Variants in EPS15 observed in about 807,000 individuals in gnomAD.
EPS15 encodes the protein epidermal growth factor receptor pathway substrate 15.
A neutral mutation model predicts 113.8 loss-of-function variants in EPS15; 72 were observed. The ratio of observed to expected loss-of-function variants is 0.63; its 90% CI spans 0.52 to 0.77. The LOEUF is 0.77. Ranked by LOEUF, EPS15 falls within the 30% of genes least tolerant of loss-of-function variation. EPS15 has a pLI of 0.00. For missense variants in EPS15, 1,048 were observed against 1,045.8 expected (o/e 1.00, Z -0.03); for synonymous variants, 344 against 363.4 (o/e 0.95, Z 0.61).
chr1:51,494,176 A>T (rs1644289721), intron 1 of EPS15, among the ~76,000 whole-genome samples: 3 of 152,184 alleles, frequency 2.0e-5, no homozygotes, highest in African/African-American at 7.2e-5. Flanking sequence ...ATTATGTCCC[A>T]GTCACCCTCC....
intron 1 of EPS15, among the ~76,000 whole-genome samples, chr1:51,511,442 C>T (rs1268899101): frequency 6.6e-6 from 1 of 152,060 alleles, no homozygotes; most frequent in Non-Finnish European, 1.5e-5. Context: ...TTGCAGTGAG[C>T]CAAGATCACA....
chr1:51,422,913 A>C (rs1320697432), intron 12 of EPS15, among the ~76,000 whole-genome samples: 1 of 152,234 alleles, frequency 6.6e-6, no homozygotes, highest in Non-Finnish European at 1.5e-5. Context: ...GAGCTTCAAG[A>C]CTACATTTCA....
At chr1:51,448,410 A>C (rs983633866) in intron 8 of EPS15, among the ~76,000 whole-genome samples, 2 of 152,224 alleles carry the variant, frequency 1.3e-5, no homozygotes, top group African/African-American at 2.4e-5. Flanking sequence ...GGCAAACAAC[A>C]ATTTGAGAAG....
intron 1 of EPS15, among the ~76,000 whole-genome samples, chr1:51,482,349 C>T (rs1644035329): frequency 6.6e-6 from 1 of 152,022 alleles, no homozygotes; most frequent in South Asian, 2.1e-4. Context: ...TGCACAAAGG[C>T]ATGCGATCAA....
intron 21 of EPS15, among the ~76,000 whole-genome samples, chr1:51,387,725 G>C (rs1302573355): frequency 6.6e-6 from 1 of 152,126 alleles, no homozygotes; most frequent in Non-Finnish European, 1.5e-5. Flanking sequence ...GACAAAGAAG[G>C]CCATTACATA....
chr1:51,507,336 A>T (rs1402091119), intron 1 of EPS15, among the ~76,000 whole-genome samples: 2 of 152,186 alleles, frequency 1.3e-5, no homozygotes, highest in African/African-American at 4.8e-5. Flanking sequence ...CATTAAAAAG[A>T]TGCTAAGCAG....
intron 12 of EPS15, among the ~76,000 whole-genome samples, chr1:51,434,059 CA>C (rs1651946535): frequency 6.6e-6 from 1 of 152,158 alleles, no homozygotes; most frequent in Non-Finnish European, 1.5e-5. Context: ...GAAATAAATA[CA>C]AAATAGTATC....
intron 13 of EPS15, among the ~76,000 whole-genome samples, chr1:51,417,458 T>C (rs1192647917): frequency 6.6e-6 from 1 of 152,196 alleles, no homozygotes; most frequent in South Asian, 2.1e-4. Context: ...CATCTAACAA[T>C]ATATTGCCAA....
intron 6 of EPS15, 25 bp downstream of exon 6, chr1:51,465,236 G>C (rs200755882): frequency 2.1e-5 from 32 of 1,497,532 alleles, no homozygotes; most frequent in Non-Finnish European, 2.7e-5. Context: ...GAAGGGGTGA[G>C]AGAATAGTTA....
chr1:51,504,242 AC>A (rs988176940), intron 1 of EPS15, among the ~76,000 whole-genome samples: 21 of 152,142 alleles, frequency 1.4e-4, no homozygotes, highest in African/African-American at 3.9e-4. Flanking sequence ...CCCCATCTCT[AC>A]AAAAAATATA....
At chr1:51,432,752 G>C (rs1030073302) in intron 12 of EPS15, among the ~76,000 whole-genome samples, 4 of 152,092 alleles carry the variant, frequency 2.6e-5, no homozygotes, top group Non-Finnish European at 4.4e-5. Flanking sequence ...AGTAAGGAGA[G>C]TCTCCCAAAA....
chr1:51,414,276 G>C (rs1169227492), intron 13 of EPS15, among the ~76,000 whole-genome samples: 7 of 151,950 alleles, frequency 4.6e-5, no homozygotes, highest in African/African-American at 1.4e-4. Context: ...AGCTGGGCGT[G>C]GTAGTGGCCG....
At chr1:51,372,842 C>T in intron 21 of EPS15, 1 of 587,822 alleles carries the variant, frequency 1.7e-6, no homozygotes, top group South Asian at 1.9e-5. Context: ...CAAAGAGGTC[C>T]ATGGTTTGAG....
At chr1:51,448,755 T>A (rs1353647460) in intron 8 of EPS15, among the ~76,000 whole-genome samples, 2 of 152,192 alleles carry the variant, frequency 1.3e-5, no homozygotes, top group African/African-American at 4.8e-5. Flanking sequence ...CACTTTGGCA[T>A]AAGGATTATT....
intron 13 of EPS15, among the ~76,000 whole-genome samples, chr1:51,417,466 C>T (rs1249198981): frequency 6.6e-6 from 1 of 152,082 alleles, no homozygotes; most frequent in Admixed American, 6.6e-5. Flanking sequence ...AATATATTGC[C>T]AAATATAATG....
At chr1:51,408,640 G>T (rs939981678) in intron 14 of EPS15, among the ~76,000 whole-genome samples, 1 of 151,624 alleles carries the variant, frequency 6.6e-6, no homozygotes, top group African/African-American at 2.4e-5. Context: ...TTATTTTTTT[G>T]AGACAGTCTC....
chr1:51,503,171 G>A (rs919940329), intron 1 of EPS15, among the ~76,000 whole-genome samples: 3 of 152,090 alleles, frequency 2.0e-5, no homozygotes, highest in African/African-American at 2.4e-5. Flanking sequence ...AACATCCCAC[G>A]TTCATAGATC....
At chr1:51,427,155 A>T (rs1651294273) in intron 12 of EPS15, among the ~76,000 whole-genome samples, 1 of 152,196 alleles carries the variant, frequency 6.6e-6, no homozygotes, top group South Asian at 2.1e-4. Context: ...TTTACATAGT[A>T]GATGCTAAAT....
intron 20 of EPS15, among the ~76,000 whole-genome samples, chr1:51,394,687 T>C (rs903415475): frequency 4.6e-5 from 7 of 152,190 alleles, no homozygotes; most frequent in African/African-American, 1.2e-4. Flanking sequence ...AACAGATCTA[T>C]GGTTTAACAA....
Sources: allele counts gnomAD v4.1 joint callset (sites outside exome capture counted in the v4.1 genomes callset), GRCh38; gene constraint gnomAD v4.1.1; transcripts MANE v1.5; gene names NCBI Gene and HGNC (gene_info 2026-07-23, HGNC 2026-07-21).